HACL1: variants seen among roughly 807,000 people sequenced by gnomAD.
The protein encoded by HACL1 is 1600020H07Rik.
Under a neutral mutation model 74.2 loss-of-function variants are expected in HACL1, and 64 were observed. That is an observed-to-expected ratio of 0.86 (90% CI 0.70 to 1.06). The LOEUF (loss-of-function observed/expected upper bound fraction) is 1.06, where lower values mean the gene tolerates loss of function less well. Ranked by LOEUF, HACL1 falls within the 50% of genes least tolerant of loss-of-function variation. HACL1 has a pLI of 0.00. For missense variants in HACL1, 728 were observed against 719.7 expected, an observed-to-expected ratio of 1.01 and a Z score of -0.13; for synonymous variants, 230 against 238.8, an observed-to-expected ratio of 0.96 and a Z score of 0.34.
At chr3:15,586,086 T>C (rs571717865) in intron 6 of HACL1, among the ~76,000 whole-genome samples, 7 of 152,282 alleles carry the variant, frequency 4.6e-5, no homozygotes, top group Non-Finnish European at 1.0e-4. Flanking sequence ...TGAAAAAATC[T>C]GCAGTCAGAA....
In HACL1 at chr3:15,592,519, T is replaced by C. The variant is rs978006155; in HGVS notation, c.228-839A>G. ...ATATACACTTGTATATACACTTGTA[T>C]ACATATACACATGTATACACATGTA... On this transcript the variant is annotated intron_variant, in intron 3 of 16. Transcript: ENST00000321169. 4.1e-5 allele frequency among the ~76,000 whole-genome samples: 6 copies of C among 148,138 alleles called. No individual in the cohort carries two copies. In the South Asian group the frequency reaches 1.0e-3, roughly 26 times the overall value.
chr3:15,577,550 C>T (rs935531737), intron 9 of HACL1, among the ~76,000 whole-genome samples: 7 of 150,592 alleles, frequency 4.6e-5, no homozygotes, highest in South Asian at 2.1e-4. Context: ...TAGCACTTTG[C>T]GAGGCCTAGA....
chr3:15,587,322 T>C lies in HACL1; in HGVS notation c.382-720A>G, dbSNP rs565504671. Among the ~76,000 whole-genome samples, 9 of 149,346 alleles carry C rather than the reference T, an allele frequency of 6.0e-5. No individual in the cohort carries two copies. In the South Asian group the frequency reaches 1.7e-3, roughly 28 times the overall value. On this transcript the variant is annotated intron_variant, in intron 5 of 16. Coordinates refer to ENST00000321169, the MANE Select transcript of HACL1 (RefSeq NM_012260.4). ...TTTTTAAATTTGATCTAATAAACTA[T>C]TATTTTCCATTTCAGGAAAATGCCT...
chr3:15,582,917 A>G lies in HACL1; in HGVS notation c.627T>C (p.Val209=). 1.2e-6 allele frequency: 2 copies of G among 1,611,076 alleles called. No individual in the cohort carries two copies. The highest frequency in any genetic ancestry group is 1.7e-6 in the Non-Finnish European group (2 of 1,177,326). Residue 209 remains valine (V), a synonymous_variant, in exon 8 of 17, where the codon GTT becomes GTC. Transcript: ENST00000321169. The stretch of plus-strand genomic sequence containing the variant: ...GAAGGGGTTGTTTGGCATTCCTAAT[A>G]ACAGAAGCCGCCGTGCACACAGCAG... ...ETSAVCTAAS[V]IRNAKQPLLI...
chr3:15,568,498 A>G lies in HACL1; in HGVS notation c.1184T>C (p.Val395Ala). ...QEQLPRDCFV[V>A]SEGANTMDIG... ...GTCCATAGTATTTGCTCCTTCACTT[A>G]CCACGAAACAGTCTCTAGGTAGTTG... is the stretch of plus-strand genomic sequence containing the variant. Residue 395 changes from valine to alanine, a missense_variant, in exon 13 of 17, where the codon GTA (valine) becomes GCA (alanine). Physicochemically the swap from Val to Ala is moderately conservative, Grantham distance 64. Coordinates refer to ENST00000321169, the MANE Select transcript of HACL1 (RefSeq NM_012260.4). The G allele has an allele frequency of 1.2e-6, 2 of 1,600,340 alleles. No individual in the cohort carries two copies. Among genetic ancestry groups the G allele is most frequent in the Non-Finnish European group, 1.7e-6 (2 of 1,167,594 alleles).
Position 15,582,982 on chromosome 3 carries a change from C to A in HACL1, c.562G>T (p.Glu188Ter). 1 of 1,568,380 alleles carries A rather than the reference C, an allele frequency of 6.4e-7. No homozygotes were observed. Among genetic ancestry groups the A allele is most frequent in the Admixed American group, 1.8e-5 (1 of 56,786 alleles). The change falls in exon 8 of 17, where the codon GAA becomes TAA. Residue 188 changes from glutamate (E) to a stop codon, truncating the protein, a stop_gained. Coordinates refer to ENST00000321169, the MANE Select transcript of HACL1 (RefSeq NM_012260.4). LOFTEE classifies it high-confidence loss of function. Reference sequence around the variant, plus strand: ...CTAATAGGAGGTGACATGCAGCGTTCCATGTACCTGGAAAAAAAGAGCCCT... The same window carrying A: ...CTAATAGGAGGTGACATGCAGCGTTACATGTACCTGGAAAAAAAGAGCCCT... ...QVNVNSIKYM[E>*]RCMSPPISMA...
chr3:15,597,752 C>T (rs943175462), intron 2 of HACL1, among the ~76,000 whole-genome samples: 1 of 151,724 alleles, frequency 6.6e-6, no homozygotes, highest in Non-Finnish European at 1.5e-5. Flanking sequence ...TCTACTGGCC[C>T]CATCTCTCTT....
rs774133161 is a variant in HACL1 at position 15,571,703 on chromosome 3, TCA to T, written c.1058_1059del (p.Leu353GlnfsTer8). 1.7e-5 allele frequency: 27 copies of T among 1,545,376 alleles called. 1 individual carries two copies. The highest frequency in any genetic ancestry group is 4.5e-5 in the South Asian group (4 of 89,694). ...YPPESKWWKT[L>X]REKMKSNEAA... ...GCTTCATTGCTCTTCATTTTTTCTC[TCA>T]GAGTTTTCCACCACTTGCTCTCTGG... On this transcript the variant is annotated frameshift_variant, in exon 12 of 17. Transcript: ENST00000321169. LOFTEE classifies it high-confidence loss of function.
intron 14 of HACL1, 98 bp from the exon 15 acceptor site, chr3:15,564,756 A>G (rs1559546043): frequency 1.7e-6 from 1 of 585,674 alleles, no homozygotes; most frequent in South Asian, 2.3e-5. Flanking sequence ...ATAGTTTCCT[A>G]TAAGCTTTTT....
In HACL1 at chr3:15,599,689, T is replaced by C. The variant is rs76945801; in HGVS notation, c.186+1401A>G. ...GAACCAGTCACCCCTTCTGTGCTAC[T>C]ACATCTATTGTGAGAGTTATAATAG... On this transcript the variant is annotated intron_variant, in intron 2 of 16. Transcript: ENST00000321169. 7.4e-3 allele frequency among the ~76,000 whole-genome samples: 1,125 copies of C among 152,302 alleles called. 5 individuals carry two copies. The highest frequency in any genetic ancestry group is 0.011 in the Non-Finnish European group (759 of 68,018).
chr3:15,579,716 C>G (rs931593215), intron 9 of HACL1, among the ~76,000 whole-genome samples, 194 bp downstream of exon 9: 3 of 152,140 alleles, frequency 2.0e-5, no homozygotes, highest in Admixed American at 6.6e-5. Flanking sequence ...ATATTACATA[C>G]AGAGCAACAA....
chr3:15,574,196 T>C (rs993426198), intron 10 of HACL1, among the ~76,000 whole-genome samples: 9 of 152,134 alleles, frequency 5.9e-5, no homozygotes, highest in Non-Finnish European at 8.8e-5. Context: ...TGGCGAGACT[T>C]TGTCTTTACA....
Position 15,601,379 on chromosome 3 carries a change from G to T in HACL1, c.81+4C>A. 6.2e-7 allele frequency: 1 copy of T among 1,614,050 alleles called. No individual in the cohort carries two copies. The highest frequency in any genetic ancestry group is 8.5e-7 in the Non-Finnish European group (1 of 1,180,012). ...GCCTTTCATTCCAGGAAGGTCCATC[G>T]TACTTGCGTTTTCAGGGCCTGAGCG... On this transcript the variant is annotated splice_donor_region_variant and intron_variant, in intron 1 of 16. Coordinates refer to ENST00000321169, the MANE Select transcript of HACL1 (RefSeq NM_012260.4).
chr3:15,577,261 G>A (rs1013656917), intron 9 of HACL1, among the ~76,000 whole-genome samples: 2 of 152,038 alleles, frequency 1.3e-5, no homozygotes, highest in African/African-American at 4.8e-5. Context: ...AAGGTGGAAG[G>A]ATCACTTGAG....
chr3:15,571,586 G>T, intron 12 of HACL1, 82 bp downstream of exon 12: 1 of 771,142 alleles, frequency 1.3e-6, no homozygotes, highest in Admixed American at 1.9e-5. Context: ...GTGATTTTTA[G>T]GAATGCACAT....
intron 14 of HACL1, among the ~76,000 whole-genome samples, 192 bp downstream of exon 14, chr3:15,567,652 G>A (rs1041509681): frequency 6.6e-6 from 1 of 152,168 alleles, no homozygotes. Flanking sequence ...ATACAGTGAG[G>A]AGGCCAGAAA....
rs151206598 is a variant in HACL1, at chr3:15,582,883, C to T, written c.661G>A (p.Gly221Arg). The change falls in exon 8 of 17, where the codon GGG (glycine) becomes AGG (arginine). Residue 221 changes from glycine to arginine, a missense_variant. Physicochemically the swap from Gly to Arg is moderately radical, Grantham distance 125. Transcript: ENST00000321169. ...RNAKQPLLII[G>R]KGAAYAHAEE... is the part of the protein sequence containing the mutation. ...AGAGTTCTATTCATGCTACCTTTCC[C>T]GATGATAAGAAGGGGTTGTTTGGCA... is the stretch of plus-strand genomic sequence containing the variant. The T allele has an allele frequency of 9.7e-5, 151 of 1,550,322 alleles. No homozygotes were observed. The African/African-American group carries it at 1.8e-3, about 18-fold the overall frequency.
intron 12 of HACL1, among the ~76,000 whole-genome samples, chr3:15,569,460 C>A (rs1031203523): frequency 1.3e-5 from 2 of 151,876 alleles, no homozygotes; most frequent in Non-Finnish European, 2.9e-5. Context: ...CCAAGGCGGG[C>A]GGATCACGAG....
At chr3:15,584,755 C>G (rs1033782869) in intron 7 of HACL1, among the ~76,000 whole-genome samples, 2 of 152,066 alleles carry the variant, frequency 1.3e-5, no homozygotes, top group Non-Finnish European at 2.9e-5. Flanking sequence ...GATTTAGATA[C>G]CAGTGAAAAA....
Sources: gnomAD v4.1 joint callset for allele counts (sites outside exome capture counted in the v4.1 genomes callset) on GRCh38, gnomAD v4.1.1 for gene constraint, MANE v1.5 for transcripts, NCBI Gene and HGNC (gene_info 2026-07-23, HGNC 2026-07-21) for gene names.